SLC35F1: variants seen among roughly 807,000 people sequenced by gnomAD.
SLC35F1 encodes chromosome 6 open reading frame 169.
Under a neutral mutation model 48.7 loss-of-function variants are expected in SLC35F1, and 14 were observed. That is an observed-to-expected ratio of 0.29 (90% CI 0.19 to 0.45). The LOEUF (loss-of-function observed/expected upper bound fraction) is 0.45. Among genes scored for constraint, SLC35F1 ranks in the 20% least tolerant of loss-of-function variants. SLC35F1 has a pLI of 1.00. For missense variants in SLC35F1, 404 were observed against 500.0 expected, an observed-to-expected ratio of 0.81 and a Z score of 1.83; for synonymous variants, 190 against 202.2, an observed-to-expected ratio of 0.94 and a Z score of 0.51.
intron 1 of SLC35F1, among the ~76,000 whole-genome samples, chr6:118,016,677 G>T (rs1468319610): frequency 6.6e-6 from 1 of 152,204 alleles, no homozygotes; most frequent in East Asian, 1.9e-4. Flanking sequence ...TGGAATCAGT[G>T]CCTGTACCAT....
intron 1 of SLC35F1, among the ~76,000 whole-genome samples, chr6:118,011,122 G>A (rs1028498055): frequency 3.3e-5 from 5 of 152,088 alleles, no homozygotes; most frequent in Admixed American, 2.0e-4. Context: ...GTTTTTCCAC[G>A]GATGGTGGGG....
intron 7 of SLC35F1, among the ~76,000 whole-genome samples, chr6:118,311,396 A>C (rs888632509): frequency 6.6e-6 from 1 of 152,242 alleles, no homozygotes; most frequent in Non-Finnish European, 1.5e-5. Context: ...GATAAAAAAA[A>C]AATAGCAGAT....
intron 7 of SLC35F1, among the ~76,000 whole-genome samples, chr6:118,302,842 C>G (rs925838034): frequency 1.3e-5 from 2 of 151,886 alleles, no homozygotes; most frequent in Non-Finnish European, 2.9e-5. Context: ...ATAATAATGA[C>G]ATTGTTAAGT....
chr6:118,085,986 A>C (rs1772984795), intron 1 of SLC35F1, among the ~76,000 whole-genome samples: 1 of 152,144 alleles, frequency 6.6e-6, no homozygotes, highest in African/African-American at 2.4e-5. Context: ...GTCACTGATG[A>C]AACTCCAAAT....
intron 1 of SLC35F1, among the ~76,000 whole-genome samples, chr6:118,107,869 C>G (rs149404814): frequency 6.6e-6 from 1 of 151,940 alleles, no homozygotes; most frequent in Non-Finnish European, 1.5e-5. Flanking sequence ...AAACAAATCT[C>G]TAATCATTCC....
rs145440159 is a variant in SLC35F1, at chr6:118,051,807, G to A, written c.174-102638G>A. Among the ~76,000 whole-genome samples, 414 of 152,302 alleles carry A rather than the reference G, an allele frequency of 2.7e-3. 1 individual carries two copies. The highest frequency in any genetic ancestry group is 9.5e-3 in the African/African-American group (394 of 41,576). ...CAGGAGGGATGCTGGAGCCCAGCTTGCAAGCTGACTTTGGATGTTAATGAC... is the reference window on the plus strand; with the variant it reads ...CAGGAGGGATGCTGGAGCCCAGCTTACAAGCTGACTTTGGATGTTAATGAC... On this transcript the variant is annotated intron_variant, in intron 1 of 7. Transcript: ENST00000360388.
intron 1 of SLC35F1, among the ~76,000 whole-genome samples, chr6:117,908,290 G>T (rs1023511159): frequency 6.6e-6 from 1 of 152,206 alleles, no homozygotes; most frequent in Non-Finnish European, 1.5e-5. Context: ...GCTGAGGAGG[G>T]AGGCGCGGGG....
chr6:118,264,634 C>A (rs1775750316), intron 3 of SLC35F1, among the ~76,000 whole-genome samples: 1 of 152,206 alleles, frequency 6.6e-6, no homozygotes. Flanking sequence ...GCCTAGCTTG[C>A]CCTCAATAAT....
chr6:118,139,200 T>C (rs1158741482), intron 1 of SLC35F1, among the ~76,000 whole-genome samples: 1 of 152,072 alleles, frequency 6.6e-6, no homozygotes, highest in Non-Finnish European at 1.5e-5. Context: ...GCAAGCTCCA[T>C]CTCCCGGGTT....
intron 1 of SLC35F1, among the ~76,000 whole-genome samples, chr6:118,127,844 A>G (rs1166425476): frequency 1.3e-5 from 2 of 150,954 alleles, no homozygotes; most frequent in African/African-American, 4.8e-5. Flanking sequence ...TCTGCACAGC[A>G]AAAGAAACTA....
chr6:118,297,650 T>A (rs1215347626), intron 7 of SLC35F1, among the ~76,000 whole-genome samples: 38 of 92,778 alleles, frequency 4.1e-4, no homozygotes, highest in African/African-American at 1.8e-3. Context: ...AAAATATATA[T>A]ATAATATATA....
In SLC35F1 at chr6:117,923,646, C is replaced by CAT. The variant is rs1178826026; in HGVS notation, c.173+15750_173+15751dup. Among the ~76,000 whole-genome samples, 439 of 101,918 alleles carry CAT rather than the reference C, an allele frequency of 4.3e-3. 57 individuals carry two copies. Among genetic ancestry groups the CAT allele is most frequent in the Middle Eastern group, 0.011 (1 of 94 alleles). The allele number at this position is 101,918 out of a possible 152,430, so 66.9% of individuals were successfully genotyped here. On this transcript the variant is annotated intron_variant, in intron 1 of 7. Transcript: ENST00000360388. ...ATATATACATATATGTACATATGTACATATGTACATATGTATATATACATA... is the reference window on the plus strand; with the variant it reads ...ATATATACATATATGTACATATGTACATATATGTACATATGTATATATACATA...
chr6:118,010,873 ACT>A (rs910162652), intron 1 of SLC35F1, among the ~76,000 whole-genome samples: 4 of 152,008 alleles, frequency 2.6e-5, no homozygotes, highest in African/African-American at 7.2e-5. Context: ...TCCTTTTCTA[ACT>A]CTCTCTCTCA....
intron 1 of SLC35F1, among the ~76,000 whole-genome samples, chr6:117,993,195 C>G (rs1776942755): frequency 6.6e-6 from 1 of 152,094 alleles, no homozygotes; most frequent in Admixed American, 6.5e-5. Context: ...TGGGGCATAG[C>G]CAGCATGCAT....
intron 1 of SLC35F1, among the ~76,000 whole-genome samples, chr6:117,940,966 A>T (rs80309524): frequency 0.02 from 3,053 of 152,238 alleles, 41 homozygotes; most frequent in Non-Finnish European, 0.032. Context: ...GTGGTTTTTT[A>T]GATTATTTCA....
At chr6:118,274,164 A>G (rs1418759311) in intron 4 of SLC35F1, among the ~76,000 whole-genome samples, 3 of 151,968 alleles carry the variant, frequency 2.0e-5, no homozygotes, top group African/African-American at 7.2e-5. Flanking sequence ...CTCAACTTCC[A>G]CTGCCCCAGA....
chr6:118,110,206 A>G (rs9489306), intron 1 of SLC35F1, among the ~76,000 whole-genome samples: 2,023 of 152,276 alleles, frequency 0.013, 42 homozygotes, highest in African/African-American at 0.045. Flanking sequence ...AACAGCAACA[A>G]CAAAAAGCTA....
At chr6:118,262,488 A>G (rs1423956473) in intron 3 of SLC35F1, among the ~76,000 whole-genome samples, 1 of 152,220 alleles carries the variant, frequency 6.6e-6, no homozygotes, top group Non-Finnish European at 1.5e-5. Flanking sequence ...GTGCTACTTA[A>G]TGTTGACTGT....
chr6:117,989,121 T>C (rs1346363890), intron 1 of SLC35F1, among the ~76,000 whole-genome samples: 1 of 152,186 alleles, frequency 6.6e-6, no homozygotes, highest in Non-Finnish European at 1.5e-5. Flanking sequence ...AGGTCACCTC[T>C]GAAAGGGTCA....
Sources: allele counts gnomAD v4.1 joint callset (sites outside exome capture counted in the v4.1 genomes callset), GRCh38; gene constraint gnomAD v4.1.1; transcripts MANE v1.5; gene names NCBI Gene and HGNC (gene_info 2026-07-23, HGNC 2026-07-21).